ATAD2B: variants seen among roughly 807,000 people sequenced by gnomAD.
The protein encoded by ATAD2B is ATPase family AAA domain containing 2B.
In ATAD2B, 40 loss-of-function variants were observed where a neutral mutation model predicts 167.6. The ratio of observed to expected loss-of-function variants is 0.24; its 90% confidence interval spans 0.19 to 0.31. The LOEUF (loss-of-function observed/expected upper bound fraction) is 0.31. Among genes scored for constraint, ATAD2B ranks in the 10% least tolerant of loss-of-function variants. The probability of loss-of-function intolerance (pLI) is 1.00; values close to 1 mark genes in which losing one functional copy is unlikely to be tolerated. For missense variants in ATAD2B, 1,242 were observed against 1,757.2 expected, an observed-to-expected ratio of 0.71 and a Z score of 5.24; for synonymous variants, 579 against 596.5, an observed-to-expected ratio of 0.97 and a Z score of 0.43.
chr2:23,813,600 G>A (rs1166156213), intron 17 of ATAD2B, among the ~76,000 whole-genome samples: 1 of 150,464 alleles, frequency 6.6e-6, no homozygotes, highest in Non-Finnish European at 1.5e-5. Context: ...AAAAAATTTA[G>A]CCAGGTGTGG....
chr2:23,884,401 G>A (rs1698394532), intron 6 of ATAD2B, among the ~76,000 whole-genome samples: 1 of 152,012 alleles, frequency 6.6e-6, no homozygotes, highest in African/African-American at 2.4e-5. Context: ...CACATAATCA[G>A]AGATTTAGAG....
At chr2:23,723,601 G>A in the ATAD2B span, among the ~76,000 whole-genome samples, 4 of 152,112 alleles carry the variant, frequency 2.6e-5, no homozygotes, top group Non-Finnish European at 4.4e-5. Context: ...CTAATCCTCA[G>A]GAAAATACAA....
At chr2:23,703,877 G>A in the ATAD2B span, 5 of 1,533,574 alleles carry the variant, frequency 3.3e-6, no homozygotes, top group Non-Finnish European at 4.4e-6. Flanking sequence ...AGAGGCTGCG[G>A]CGCCTTGACT....
At chr2:23,680,199 G>C in the ATAD2B span, among the ~76,000 whole-genome samples, 2 of 152,196 alleles carry the variant, frequency 1.3e-5, no homozygotes, top group African/African-American at 4.8e-5. This position sits in a 1 kb window ranked among gnomAD's most constrained non-coding sequence, Gnocchi z 4.1. Context: ...TAGGGCAGGA[G>C]AGGCTGGATC....
At chr2:23,814,788 C>T (rs1198803049) in intron 17 of ATAD2B, among the ~76,000 whole-genome samples, 3 of 152,048 alleles carry the variant, frequency 2.0e-5, no homozygotes, top group Admixed American at 2.0e-4. Flanking sequence ...GGCGCAGTGT[C>T]TCACACCTGT....
chr2:23,817,590 AAAGT>A (rs796587976), intron 17 of ATAD2B, among the ~76,000 whole-genome samples: 67 of 152,338 alleles, frequency 4.4e-4, no homozygotes, highest in African/African-American at 1.5e-3. Flanking sequence ...GACCTTCTCC[AAAGT>A]AAGAACTATG....
At chr2:23,706,303 G>A in the ATAD2B span, among the ~76,000 whole-genome samples, 1 of 152,198 alleles carries the variant, frequency 6.6e-6, no homozygotes. Flanking sequence ...ACTGGCCCTG[G>A]AGGACAGGTG....
rs1675388461 is a variant in ATAD2B at position 23,751,838 on chromosome 2, G to A, written c.*208C>T. 2 of 546,620 alleles carry A rather than the reference G, an allele frequency of 3.7e-6. No homozygotes were observed. Among genetic ancestry groups the A allele is most frequent in the Admixed American group, 3.8e-5 (1 of 26,584 alleles). 33.9% of individuals were successfully genotyped at this position (546,620 alleles called of 1,614,324 possible). A position where few individuals can be genotyped will look rare whatever the true frequency, so the allele number is the denominator to read the frequency against. ...TTTTTATTTGTGGAAAATACAACAT[G>A]TTTCTGAAGTTCTGTTTGGTTCTTG... is the stretch of plus-strand genomic sequence containing the variant. On this transcript the variant is annotated 3_prime_UTR_variant, in exon 28 of 28. Coordinates refer to ENST00000238789, the MANE Select transcript of ATAD2B (RefSeq NM_017552.4).
At chr2:23,740,979 G>A in the ATAD2B span, among the ~76,000 whole-genome samples, 1 of 151,976 alleles carries the variant, frequency 6.6e-6, no homozygotes, top group Non-Finnish European at 1.5e-5. Context: ...AAAATACCTA[G>A]GAATCCAACT....
rs1260370916 is a variant in ATAD2B, at chr2:23,749,571, G to A, written c.*2475C>T. 1 of 151,972 alleles carries A rather than the reference G, an allele frequency of 6.6e-6. No individual in the cohort carries two copies. The highest frequency in any genetic ancestry group is 6.6e-5 in the Admixed American group (1 of 15,236). 9.4% of individuals were successfully genotyped at this position (151,972 alleles called of 1,614,324 possible). A position where few individuals can be genotyped will look rare whatever the true frequency, so the allele number is the denominator to read the frequency against. ...GGTAAGTGTGTTTTTTTAATTGAGGGAAGGAGGGCCAGAGGAGTTGGTACA... is the reference window on the plus strand; with the variant it reads ...GGTAAGTGTGTTTTTTTAATTGAGGAAAGGAGGGCCAGAGGAGTTGGTACA... On this transcript the variant is annotated 3_prime_UTR_variant, in exon 28 of 28. Transcript: ENST00000238789.
At chr2:23,811,115 A>G (rs1685520472) in intron 17 of ATAD2B, 1 of 152,312 alleles carries the variant, frequency 6.6e-6, no homozygotes, top group Non-Finnish European at 1.5e-5. Context: ...CATACCACAT[A>G]TATTAACTTG....
downstream of ATAD2B, among the ~76,000 whole-genome samples, chr2:23,745,431 G>A (rs1207744019): frequency 1.1e-5 from 1 of 94,846 alleles, no homozygotes; most frequent in Non-Finnish European, 2.3e-5. Flanking sequence ...GAAAGGGAAG[G>A]GAAGGGAAGG....
the ATAD2B span, chr2:23,696,870 T>C: frequency 0.1 from 20,241 of 198,144 alleles, 1,212 homozygotes; most frequent in Middle Eastern, 0.17. This position sits in a 1 kb window ranked among gnomAD's most constrained non-coding sequence, Gnocchi z 5.5. Flanking sequence ...CCCTGCACCA[T>C]GAGCACCAGC....
intron 13 of ATAD2B, among the ~76,000 whole-genome samples, chr2:23,852,286 C>T (rs1178473633): frequency 1.3e-5 from 2 of 151,916 alleles, no homozygotes; most frequent in Non-Finnish European, 2.9e-5. Context: ...AGAGGGAATG[C>T]CATCTCATCT....
the ATAD2B span, chr2:23,691,776 G>A: frequency 3.1e-5 from 48 of 1,551,602 alleles, no homozygotes; most frequent in Non-Finnish European, 3.6e-5. Context: ...TTGTCTACAC[G>A]GGCTCCCTGG....
chr2:23,848,785 A>G (rs1692083544), intron 13 of ATAD2B, among the ~76,000 whole-genome samples: 1 of 152,216 alleles, frequency 6.6e-6, no homozygotes, highest in South Asian at 2.1e-4. Context: ...TAGATGATAA[A>G]TTTAAACCTA....
the ATAD2B span, chr2:23,693,277 C>G: frequency 1.1e-5 from 17 of 1,542,084 alleles, 1 homozygote; most frequent in Non-Finnish European, 1.4e-5. Flanking sequence ...AGAGAAGCAG[C>G]TGACGGCCAG....
At chr2:23,779,786 A>G (rs1679727112) in intron 22 of ATAD2B, among the ~76,000 whole-genome samples, 1 of 152,218 alleles carries the variant, frequency 6.6e-6, no homozygotes, top group Non-Finnish European at 1.5e-5. Flanking sequence ...TAGGAATGAC[A>G]AAATTTATAA....
At chr2:23,888,773 A>G (rs917474253) in intron 2 of ATAD2B, among the ~76,000 whole-genome samples, 9 of 152,224 alleles carry the variant, frequency 5.9e-5, no homozygotes, top group Admixed American at 1.3e-4. Flanking sequence ...ACAATGATAA[A>G]TTTATTAACA....
Sources: allele counts gnomAD v4.1 joint callset (sites outside exome capture counted in the v4.1 genomes callset), GRCh38; gene constraint gnomAD v4.1.1; non-coding constraint Gnocchi (gnomAD v3.1); transcripts MANE v1.5; gene names NCBI Gene and HGNC (gene_info 2026-07-23, HGNC 2026-07-21).